GALNT13: variants seen among roughly 807,000 people sequenced by gnomAD.
GALNT13 encodes the protein UDP-GalNAc:polypeptide N-acetylgalactosaminyltransferase 13.
In GALNT13, 28 loss-of-function variants were observed where a neutral mutation model predicts 64.2. The ratio of observed to expected loss-of-function variants is 0.44; its 90% CI spans 0.32 to 0.60. GALNT13 has a LOEUF of 0.60. Ranked by LOEUF, GALNT13 falls within the 20% of genes least tolerant of loss-of-function variation. The probability of loss-of-function intolerance (pLI) is 0.05; values close to 1 mark genes in which losing one functional copy is unlikely to be tolerated. For synonymous variants in GALNT13, 214 were observed against 224.6 expected (o/e 0.95, Z 0.42); for missense variants, 577 against 669.8 (o/e 0.86, Z 1.53).
intron 8 of GALNT13, among the ~76,000 whole-genome samples, chr2:154,292,105 C>CT (rs1692679564): frequency 6.6e-6 from 1 of 152,052 alleles, no homozygotes; most frequent in Admixed American, 6.6e-5. Flanking sequence ...GAGTGTATTT[C>CT]TGCTTTCAAT....
At chr2:153,478,914 G>A in the GALNT13 span, 1 of 284,072 alleles carries the variant, frequency 3.5e-6, no homozygotes, top group Non-Finnish European at 6.6e-6. Flanking sequence ...GCAAACAGCG[G>A]CCCCTTCCGG....
intron 3 of GALNT13, among the ~76,000 whole-genome samples, chr2:154,064,872 G>A (rs1700379578): frequency 6.6e-6 from 1 of 152,072 alleles, no homozygotes; most frequent in Non-Finnish European, 1.5e-5. Flanking sequence ...AGGGGACTTT[G>A]TTTTGCATCT....
At chr2:153,766,221 C>A in the GALNT13 span, among the ~76,000 whole-genome samples, 1 of 151,692 alleles carries the variant, frequency 6.6e-6, no homozygotes, top group East Asian at 1.9e-4. Flanking sequence ...CTGAACCATT[C>A]TCTTATAGCC....
chr2:154,166,254 A>C (rs1223228574), intron 4 of GALNT13, among the ~76,000 whole-genome samples: 2 of 152,142 alleles, frequency 1.3e-5, no homozygotes, highest in Non-Finnish European at 2.9e-5. Context: ...AAAATGCAAA[A>C]ATTAGCTCAG....
At chr2:153,528,025 G>A in the GALNT13 span, among the ~76,000 whole-genome samples, 43 of 151,724 alleles carry the variant, frequency 2.8e-4, no homozygotes, top group Non-Finnish European at 5.5e-4. Context: ...AGGGAGGGGG[G>A]ACCACAAAAC....
chr2:153,187,859 A>T, the GALNT13 span, among the ~76,000 whole-genome samples: 1 of 152,162 alleles, frequency 6.6e-6, no homozygotes, highest in Admixed American at 6.6e-5. Flanking sequence ...TACAAAACTT[A>T]ACAACATATA....
chr2:153,449,005 CCT>C, the GALNT13 span, among the ~76,000 whole-genome samples: 1 of 151,924 alleles, frequency 6.6e-6, no homozygotes, highest in Non-Finnish European at 1.5e-5. Context: ...TCTCTCTCTC[CCT>C]GTTTTTCTCC....
chr2:154,200,755 T>C (rs1687128036), intron 4 of GALNT13, among the ~76,000 whole-genome samples: 1 of 152,132 alleles, frequency 6.6e-6, no homozygotes, highest in Non-Finnish European at 1.5e-5. Context: ...ACCTCACCTC[T>C]TGCTACTATC....
the GALNT13 span, among the ~76,000 whole-genome samples, chr2:153,262,858 A>G: frequency 2.0e-5 from 3 of 152,176 alleles, no homozygotes; most frequent in African/African-American, 7.2e-5. Flanking sequence ...AGAATGGGAA[A>G]AAGGTGGAAG....
In GALNT13 at chr2:154,301,363, C is replaced by A. The variant is rs562753750; in HGVS notation, c.976-46C>A. 15 of 1,488,878 alleles carry A rather than the reference C, an allele frequency of 1.0e-5. No homozygotes were observed. In the South Asian group the frequency reaches 1.8e-4, roughly 18 times the overall value. 92.2% of individuals were successfully genotyped at this position (1,488,878 alleles called of 1,614,324 possible). A position where few individuals can be genotyped will look rare whatever the true frequency, so the allele number is the denominator to read the frequency against. Reference sequence around the variant, plus strand: ...GGCCTAAGCTTCAGTTGCTTCATCTCATACAATATTATTGCATTATTTACA... The same window carrying A: ...GGCCTAAGCTTCAGTTGCTTCATCTAATACAATATTATTGCATTATTTACA... On this transcript the variant is annotated intron_variant, in intron 8 of 12. Transcript: ENST00000392825.
chr2:154,355,635 T>C (rs865880511), intron 9 of GALNT13, among the ~76,000 whole-genome samples: 58 of 152,192 alleles, frequency 3.8e-4, no homozygotes, highest in African/African-American at 1.3e-3. Flanking sequence ...ACTGCTAATA[T>C]GTGTAACTGA....
the GALNT13 span, among the ~76,000 whole-genome samples, chr2:153,299,394 G>A: frequency 6.6e-6 from 1 of 152,116 alleles, no homozygotes; most frequent in Non-Finnish European, 1.5e-5. Context: ...GAATGGGTGG[G>A]GCTTATAGGG....
chr2:153,407,940 G>C, the GALNT13 span, among the ~76,000 whole-genome samples: 1 of 152,138 alleles, frequency 6.6e-6, no homozygotes, highest in Non-Finnish European at 1.5e-5. Context: ...AGGGGCACTA[G>C]CAGTAGAGCT....
chr2:154,242,136 A>T lies in GALNT13; in HGVS notation c.418A>T (p.Asn140Tyr). ...CCTTAGAACTGTTTACAGTGTGATA[A>T]ATCGTTCCCCACACTATCTACTCTC... Reference protein sequence around the residue: ...TLLRTVYSVINRSPHYLLSEV... With the variant: ...TLLRTVYSVIYRSPHYLLSEV... The change falls in exon 5 of 13, where the codon AAT becomes TAT. Residue 140 changes from asparagine to tyrosine, a missense_variant. Asn to Tyr is a moderately radical substitution (Grantham distance 143). Around this residue, in one of 3 missense-constraint regions of GALNT13, gnomAD observed 341 missense variants for 379.3 expected, o/e 0.90. Transcript: ENST00000392825. 6.2e-7 allele frequency: 1 copy of T among 1,613,332 alleles called. No homozygotes were observed. Among genetic ancestry groups the T allele is most frequent in the Non-Finnish European group, 8.5e-7 (1 of 1,179,564 alleles).
At chr2:153,626,979 A>T in the GALNT13 span, among the ~76,000 whole-genome samples, 1 of 152,142 alleles carries the variant, frequency 6.6e-6, no homozygotes, top group Non-Finnish European at 1.5e-5. Context: ...AGGAAAATGC[A>T]CATGGTAAGA....
At chr2:153,630,755 TAGGCTTC>T in the GALNT13 span, among the ~76,000 whole-genome samples, 1 of 117,654 alleles carries the variant, frequency 8.5e-6, no homozygotes, top group African/African-American at 3.2e-5. Flanking sequence ...AAAAAAATTT[TAGGCTTC>T]ATATATATAT....
At chr2:154,385,380 T>C (rs925878647) in intron 9 of GALNT13, among the ~76,000 whole-genome samples, 1 of 151,940 alleles carries the variant, frequency 6.6e-6, no homozygotes, top group Admixed American at 6.6e-5. Context: ...GGGATGATAA[T>C]TACCATGTTC....
the GALNT13 span, among the ~76,000 whole-genome samples, chr2:153,260,479 G>C: frequency 6.6e-6 from 1 of 152,100 alleles, no homozygotes; most frequent in East Asian, 1.9e-4. Context: ...TACTATTCTA[G>C]GATAAATTTT....
At chr2:153,479,551 CT>C in the GALNT13 span, among the ~76,000 whole-genome samples, 18 of 152,104 alleles carry the variant, frequency 1.2e-4, no homozygotes, top group Admixed American at 4.6e-4. Flanking sequence ...GGTCACCTCT[CT>C]GGTAAAGGAG....
Sources: gnomAD v4.1 joint callset for allele counts (sites outside exome capture counted in the v4.1 genomes callset) on GRCh38, gnomAD v4.1.1 for gene constraint, gnomAD v4.1.1 regional missense constraint, MANE v1.5 for transcripts, NCBI Gene and HGNC (gene_info 2026-07-23, HGNC 2026-07-21) for gene names.